Variants in LRRC47 observed in about 807,000 individuals in gnomAD.
LRRC47 encodes leucine rich repeat containing 47.
A neutral mutation model predicts 40.9 loss-of-function variants in LRRC47; 31 were observed. The ratio of observed to expected loss-of-function variants is 0.76; its 90% CI spans 0.57 to 1.02. The LOEUF is 1.02. Ranked by LOEUF, LRRC47 falls within the 50% of genes least tolerant of loss-of-function variation. LRRC47 has a pLI of 0.00. For missense variants in LRRC47, 726 were observed against 796.1 expected, an observed-to-expected ratio of 0.91 and a Z score of 1.06; for synonymous variants, 427 against 371.9, an observed-to-expected ratio of 1.15 and a Z score of -1.70.
rs1413876921 is a variant in LRRC47, at chr1:3,796,189, C to T, written c.288G>A (p.Gly96=). 1 of 1,437,184 alleles carries T rather than the reference C, an allele frequency of 7.0e-7. No individual in the cohort carries two copies. Among genetic ancestry groups the T allele is most frequent in the Non-Finnish European group, 9.1e-7 (1 of 1,101,610 alleles). The allele number at this position is 1,437,184 out of a possible 1,614,324, so 89.0% of individuals were successfully genotyped here. A position where few individuals can be genotyped will look rare whatever the true frequency, so the allele number is the denominator to read the frequency against. The part of the protein sequence containing the change: ...ALGPGLSPEL[G]PLPALRVLDL... ...CGAGCACCCGAAGGGCAGGCAGCGG[C>T]CCGAGCTCGGGGCTCAGGCCGGGCC... Residue 96 remains glycine, a synonymous_variant, in exon 1 of 7, where the codon GGG becomes GGA. Coordinates refer to ENST00000378251, the MANE Select transcript of LRRC47 (RefSeq NM_020710.3).
Position 3,780,653 on chromosome 1 carries a change from G to C in LRRC47, c.*435C>G, listed in dbSNP as rs1294833825. 1 of 159,154 alleles carries C rather than the reference G, an allele frequency of 6.3e-6. No homozygotes were observed. The highest frequency in any genetic ancestry group is 1.4e-5 in the Non-Finnish European group (1 of 72,868). The allele number at this position is 159,154 out of a possible 1,614,324, so 9.9% of individuals were successfully genotyped here. A position where few individuals can be genotyped will look rare whatever the true frequency, so the allele number is the denominator to read the frequency against. On this transcript the variant is annotated 3_prime_UTR_variant, in exon 7 of 7. Coordinates refer to ENST00000378251, the MANE Select transcript of LRRC47 (RefSeq NM_020710.3). ...GAATACATACATCTTAAAAAATGCTGGGGTGGGCCAGGCACAGCTCACGCC... is the reference window on the plus strand; with the variant it reads ...GAATACATACATCTTAAAAAATGCTCGGGTGGGCCAGGCACAGCTCACGCC...
chr1:3,785,016 G>C (rs57217928), intron 3 of LRRC47, 71 bp downstream of exon 3: 122,849 of 1,193,952 alleles, frequency 0.1, 6,856 homozygotes, highest in African/African-American at 0.14. Flanking sequence ...AGTTCGGGCT[G>C]CAGTAGCAGC....
chr1:3,787,814 G>A (rs1381933396), intron 1 of LRRC47, among the ~76,000 whole-genome samples: 2 of 152,130 alleles, frequency 1.3e-5, no homozygotes, highest in Non-Finnish European at 2.9e-5. Flanking sequence ...TCTTCATAAT[G>A]AAGTGCAAAG....
At chr1:3,785,064 C>T in intron 3 of LRRC47, 23 bp downstream of exon 3, 8 of 1,552,902 alleles carry the variant, frequency 5.2e-6, no homozygotes, top group Non-Finnish European at 6.1e-6. Context: ...CTTCAGCAGA[C>T]CCTGCAAAGG....
At position 3,780,980 on chromosome 1, in the gene LRRC47, A is replaced by C. The variant is rs1286019490; in HGVS notation, c.*108T>G. On this transcript the variant is annotated 3_prime_UTR_variant, in exon 7 of 7. Transcript: ENST00000378251. ...ACAGAGCGAGACTCCATCTCAAAAAAAAAAACCAACAAAAAAACTGGGGTG... is the reference window on the plus strand; with the variant it reads ...ACAGAGCGAGACTCCATCTCAAAAACAAAAACCAACAAAAAAACTGGGGTG... 1 of 1,515,342 alleles carries C rather than the reference A, an allele frequency of 6.6e-7. No individual in the cohort carries two copies. Among genetic ancestry groups the C allele is most frequent in the East Asian group, 2.3e-5 (1 of 44,082 alleles). 93.9% of individuals were successfully genotyped at this position (1,515,342 alleles called of 1,614,324 possible).
Position 3,786,987 on chromosome 1 carries a change from G to A in LRRC47, c.939C>T (p.His313=), listed in dbSNP as rs766626884. Residue 313 remains histidine, a synonymous_variant, in exon 2 of 7, where the codon CAC becomes CAT. Transcript: ENST00000378251. ...DAGRLLLRVL[H]VSENPVPLTV... ...TCAGAGGTACGGGGTTTTCAGAGACGTGCAGGACCCTGAGCAGCAGCCGGC... is the reference window on the plus strand; with the variant it reads ...TCAGAGGTACGGGGTTTTCAGAGACATGCAGGACCCTGAGCAGCAGCCGGC... 3.7e-5 allele frequency: 60 copies of A among 1,611,712 alleles called. No homozygotes were observed. Among genetic ancestry groups the A allele is most frequent in the Admixed American group, 3.7e-4 (22 of 59,710 alleles).
rs913797671 is a variant in LRRC47 at position 3,781,654 on chromosome 1, G to C, written c.1414-53C>G. On this transcript the variant is annotated intron_variant, in intron 5 of 6. Transcript: ENST00000378251. ...GAACAGTTATCAAATGTAGACATCAGCAACTGCAACATTTGTTCTCAGGAA... is the reference window on the plus strand; with the variant it reads ...GAACAGTTATCAAATGTAGACATCACCAACTGCAACATTTGTTCTCAGGAA... The C allele has an allele frequency of 7.9e-6, 11 of 1,386,558 alleles. No individual in the cohort carries two copies. The African/African-American group carries it at 1.6e-4, about 20-fold the overall frequency. 85.9% of individuals were successfully genotyped at this position (1,386,558 alleles called of 1,614,324 possible). A position where few individuals can be genotyped will look rare whatever the true frequency, so the allele number is the denominator to read the frequency against.
At chr1:3,787,527 G>A (rs532148033) in intron 1 of LRRC47, among the ~76,000 whole-genome samples, 3 of 152,220 alleles carry the variant, frequency 2.0e-5, no homozygotes, top group East Asian at 3.9e-4. Flanking sequence ...GCCTCTCCGA[G>A]GAGAAGGCGT....
intron 1 of LRRC47, among the ~76,000 whole-genome samples, chr1:3,789,259 C>G (rs745514915): frequency 6.6e-6 from 1 of 152,288 alleles, no homozygotes; most frequent in Non-Finnish European, 1.5e-5. Context: ...GCCACCAGCC[C>G]AGGGCACAGC....
At chr1:3,787,390 CCACTCAT>C in intron 1 of LRRC47, 80 bp from the exon 2 acceptor site, 2 of 1,359,776 alleles carry the variant, frequency 1.5e-6, no homozygotes, top group Non-Finnish European at 2.0e-6. Context: ...GGCAGGGAGA[CCACTCAT>C]CACTCACAAG....
chr1:3,781,133 C>G lies in LRRC47; in HGVS notation c.1707G>C (p.Lys569Asn). ...GGGGAGGGGCAGTGGCCAGGTCGGC[C>G]TTGGACGGGTACACCACCTTCAGGC... is the stretch of plus-strand genomic sequence containing the variant. ...EGSLKVVYPSKADLATAPPHV... is the reference protein window; with the variant it reads ...EGSLKVVYPSNADLATAPPHV... Residue 569 changes from lysine to asparagine, a missense_variant, in exon 7 of 7, where the codon AAG (lysine) becomes AAC (asparagine). Transcript: ENST00000378251. 1 of 1,614,114 alleles carries G rather than the reference C, an allele frequency of 6.2e-7. No individual in the cohort carries two copies. The highest frequency in any genetic ancestry group is 8.5e-7 in the Non-Finnish European group (1 of 1,180,028).
chr1:3,785,198 CT>C lies in LRRC47; in HGVS notation c.1082del (p.Lys361SerfsTer98). The C allele has an allele frequency of 6.4e-7, 1 of 1,566,722 alleles. No individual in the cohort carries two copies. Among genetic ancestry groups the C allele is most frequent in the South Asian group, 1.2e-5 (1 of 84,624 alleles). On this transcript the variant is annotated frameshift_variant, in exon 3 of 7. Transcript: ENST00000378251. LOFTEE classifies it high-confidence loss of function. Reference protein sequence around the residue: ...ALKRFLTSQTKLHEDLCEKRT... With the variant: ...ALKRFLTSQTXLHEDLCEKRT... The stretch of plus-strand genomic sequence containing the variant: ...TCTTCTCACAGAGATCTTCGTGGAG[CT>C]TGGTCTGTAACACAGAAGCAGTGAT...
chr1:3,795,785 C>A, intron 1 of LRRC47, 77 bp downstream of exon 1: 1 of 1,423,776 alleles, frequency 7.0e-7, no homozygotes, highest in South Asian at 1.5e-5. Flanking sequence ...CTAGGAACTG[C>A]TCGGCCCCGA....
chr1:3,785,153 G>A lies in LRRC47; in HGVS notation c.1128C>T (p.Ala376=), dbSNP rs764706366. The change falls in exon 3 of 7, where the codon GCC becomes GCT. Residue 376 remains alanine, a synonymous_variant. Coordinates refer to ENST00000378251, the MANE Select transcript of LRRC47 (RefSeq NM_020710.3). ...CTTTGACGGCACGGAGCTCGTGGGT[G>A]GCAAGGGTGGCAGCCGTCCTCTTCT... The part of the protein sequence containing the change: ...LCEKRTAATL[A]THELRAVKGP... The A allele has an allele frequency of 1.3e-6, 2 of 1,598,740 alleles. No homozygotes were observed. The highest frequency in any genetic ancestry group is 1.7e-6 in the Non-Finnish European group (2 of 1,173,244).
intron 1 of LRRC47, among the ~76,000 whole-genome samples, chr1:3,789,411 T>C (rs1399886686): frequency 6.6e-6 from 1 of 152,256 alleles, no homozygotes; most frequent in African/African-American, 2.4e-5. Flanking sequence ...GGAACCTCCT[T>C]TCTGCCTGCA....
rs139488858 is a variant in LRRC47 at position 3,781,097 on chromosome 1, G to A, written c.1743C>T (p.Val581=). 1.3e-5 allele frequency: 21 copies of A among 1,613,660 alleles called. No individual in the cohort carries two copies. Among genetic ancestry groups the A allele is most frequent in the African/African-American group, 9.3e-5 (7 of 74,916 alleles). ...DLATAPPHVT[V]VR is the part of the protein sequence containing the mutation. ...ACAGGCGGCCCTGGCGTCAGCGCAC[G>A]ACAGTCACGTGGGGAGGGGCAGTGG... Residue 581 remains valine (V), a synonymous_variant, in exon 7 of 7, where the codon GTC becomes GTT. Transcript: ENST00000378251.
rs778807067 is a variant in LRRC47, at chr1:3,784,045, C to G, written c.1261G>C (p.Glu421Gln). Residue 421 changes from glutamate to glutamine, a missense_variant, in exon 4 of 7, where the codon GAG becomes CAG. Glu to Gln is a conservative substitution (Grantham distance 29, BLOSUM62 2). Coordinates refer to ENST00000378251, the MANE Select transcript of LRRC47 (RefSeq NM_020710.3). ...ELVRQLQLEAEEQRKQKKRQS... is the reference protein window; with the variant it reads ...ELVRQLQLEAQEQRKQKKRQS... ...CGCTTCTTCTGCTTCCTCTGCTCCT[C>G]GGCCTCCAGCTGCAGCTGCCGCACC... is the stretch of plus-strand genomic sequence containing the variant. 6.2e-7 allele frequency: 1 copy of G among 1,612,650 alleles called. No homozygotes were observed. The highest frequency in any genetic ancestry group is 1.7e-5 in the Admixed American group (1 of 60,012).
In LRRC47 at chr1:3,780,553, C is replaced by T. The variant is rs564771217; in HGVS notation, c.*535G>A. On this transcript the variant is annotated 3_prime_UTR_variant, in exon 7 of 7. Coordinates refer to ENST00000378251, the MANE Select transcript of LRRC47 (RefSeq NM_020710.3). Reference sequence around the variant, plus strand: ...ACACTTGAATAATCCCATCAAAAACCGTAAAATCACTTTGATGTTGTAACG... The same window carrying T: ...ACACTTGAATAATCCCATCAAAAACTGTAAAATCACTTTGATGTTGTAACG... The T allele has an allele frequency of 6.5e-6, 1 of 154,290 alleles. No homozygotes were observed. Among genetic ancestry groups the T allele is most frequent in the African/African-American group, 2.4e-5 (1 of 41,568 alleles). 9.6% of individuals were successfully genotyped at this position (154,290 alleles called of 1,614,324 possible). A position where few individuals can be genotyped will look rare whatever the true frequency, so the allele number is the denominator to read the frequency against.
chr1:3,779,235 C>T lies in LRRC47; in HGVS notation c.*1853G>A, dbSNP rs761643871. On this transcript the variant is annotated 3_prime_UTR_variant, in exon 7 of 7. Transcript: ENST00000378251. ...AAGAGCCACCCAGCTGTTAGTCTGC[C>T]CACTGCACAGGGCCCCGGGCCTCTC... 1 of 152,266 alleles carries T rather than the reference C, an allele frequency of 6.6e-6. No homozygotes were observed. The highest frequency in any genetic ancestry group is 1.5e-5 in the Non-Finnish European group (1 of 68,064). The allele number at this position is 152,266 out of a possible 1,614,324, so 9.4% of individuals were successfully genotyped here.
Sources: gnomAD v4.1 joint callset for allele counts (sites outside exome capture counted in the v4.1 genomes callset) on GRCh38, gnomAD v4.1.1 for gene constraint, MANE v1.5 for transcripts, NCBI Gene and HGNC (gene_info 2026-07-23, HGNC 2026-07-21) for gene names.